MTCH2: variants seen among roughly 807,000 people sequenced by gnomAD.
MTCH2 encodes mitochondrial carrier 2.
Under a neutral mutation model 50.6 loss-of-function variants are expected in MTCH2, and 25 were observed. The ratio of observed to expected loss-of-function variants is 0.49; its 90% confidence interval spans 0.36 to 0.69. The LOEUF (loss-of-function observed/expected upper bound fraction) is 0.69, where lower values mean the gene tolerates loss of function less well. Among genes scored for constraint, MTCH2 ranks in the 30% least tolerant of loss-of-function variants. MTCH2 has a pLI of 0.00. For synonymous variants in MTCH2, 106 were observed against 132.0 expected (o/e 0.80, Z 1.35); for missense variants, 273 against 384.4 (o/e 0.71, Z 2.42).
chr11:47,626,384 G>C (rs1211932047), intron 10 of MTCH2, among the ~76,000 whole-genome samples: 1 of 149,510 alleles, frequency 6.7e-6, no homozygotes, highest in Admixed American at 6.7e-5. Context: ...CAGTTGCCCA[G>C]GCTGGTCTTG....
At chr11:47,615,502 C>T (rs887380799), downstream of MTCH2, among the ~76,000 whole-genome samples, 1 of 152,032 alleles carries the variant, frequency 6.6e-6, no homozygotes, top group Non-Finnish European at 1.5e-5. Context: ...TCTGACAGTA[C>T]AGAAACATGT....
At chr11:47,625,624 G>T in intron 11 of MTCH2, 50 bp downstream of exon 11, 2 of 1,120,502 alleles carry the variant, frequency 1.8e-6, no homozygotes, top group East Asian at 2.9e-5. Context: ...TGCTCCGCCT[G>T]TCAGCATACA....
chr11:47,612,302 T>C, the MTCH2 span, among the ~76,000 whole-genome samples: 1 of 151,560 alleles, frequency 6.6e-6, no homozygotes, highest in Non-Finnish European at 1.5e-5. Context: ...GCGCGGTGGC[T>C]CACGCCTGTA....
At chr11:47,617,151 G>T (rs2097288930), downstream of MTCH2, among the ~76,000 whole-genome samples, 1 of 152,156 alleles carries the variant, frequency 6.6e-6, no homozygotes, top group Non-Finnish European at 1.5e-5. Context: ...CTAGTATTTT[G>T]AGCAATCCTA....
chr11:47,636,053 A>G (rs1247476767), intron 3 of MTCH2, among the ~76,000 whole-genome samples: 1 of 151,738 alleles, frequency 6.6e-6, no homozygotes, highest in African/African-American at 2.4e-5. Flanking sequence ...ACTTGAACCC[A>G]GGAGGCAGAG....
chr11:47,615,197 CTGGCT>C (rs1298744292), downstream of MTCH2, among the ~76,000 whole-genome samples: 1 of 152,052 alleles, frequency 6.6e-6, no homozygotes, highest in African/African-American at 2.4e-5. Context: ...ACCACCAAGC[CTGGCT>C]AATTTTTAAA....
chr11:47,639,196 C>G (rs998117407), intron 1 of MTCH2, 145 bp from the exon 2 acceptor site: 1 of 688,232 alleles, frequency 1.5e-6, no homozygotes, highest in Middle Eastern at 3.1e-4. Flanking sequence ...AATGATGAAG[C>G]ATCATTCTTG....
chr11:47,639,054 T>A lies in MTCH2; in HGVS notation c.88-3A>T. The A allele has an allele frequency of 6.3e-7, 1 of 1,589,832 alleles. No individual in the cohort carries two copies. The highest frequency in any genetic ancestry group is 8.6e-7 in the Non-Finnish European group (1 of 1,168,978). On this transcript the variant is annotated splice_region_variant and splice_polypyrimidine_tract_variant and intron_variant, in intron 1 of 12. Transcript: ENST00000302503. ...GGAGGAAGAGGCTCATATCCCACCT[T>A]TAAAAACAATGGAATATATCAATAT...
chr11:47,605,458 TACTC>T, the MTCH2 span, among the ~76,000 whole-genome samples: 1 of 152,152 alleles, frequency 6.6e-6, no homozygotes, highest in Non-Finnish European at 1.5e-5. Flanking sequence ...TCTCTCCACT[TACTC>T]TTTTAAATTT....
chr11:47,618,600 A>G lies in MTCH2; in HGVS notation c.*233T>C, dbSNP rs888065947. 1 of 489,284 alleles carries G rather than the reference A, an allele frequency of 2.0e-6. No individual in the cohort carries two copies. The highest frequency in any genetic ancestry group is 4.0e-5 in the Admixed American group (1 of 24,780). The allele number at this position is 489,284 out of a possible 1,614,324, so 30.3% of individuals were successfully genotyped here. On this transcript the variant is annotated 3_prime_UTR_variant, in exon 13 of 13. Transcript: ENST00000302503. ...TTTTTTTCCCTTCTGGTTAAGTAAAATAAGAATTTGGAGCAAAAATATCCT... is the reference window on the plus strand; with the variant it reads ...TTTTTTTCCCTTCTGGTTAAGTAAAGTAAGAATTTGGAGCAAAAATATCCT...
At chr11:47,624,361 T>C (rs1016149543) in intron 11 of MTCH2, among the ~76,000 whole-genome samples, 1 of 151,972 alleles carries the variant, frequency 6.6e-6, no homozygotes, top group Non-Finnish European at 1.5e-5. Context: ...GAAAAGGTCA[T>C]CAAACTTTCC....
At chr11:47,628,718 G>A (rs1238780307) in intron 9 of MTCH2, among the ~76,000 whole-genome samples, 2 of 152,096 alleles carry the variant, frequency 1.3e-5, no homozygotes, top group Middle Eastern at 3.2e-3. Flanking sequence ...GGGACTATAG[G>A]CACGCACCAC....
rs1598860977 is a variant in MTCH2, at chr11:47,642,525, G to A, written c.-60C>T. 1.3e-6 allele frequency: 2 copies of A among 1,482,236 alleles called. No individual in the cohort carries two copies. The highest frequency in any genetic ancestry group is 2.2e-5 in the Admixed American group (1 of 45,940). 91.8% of individuals were successfully genotyped at this position (1,482,236 alleles called of 1,614,324 possible). On this transcript the variant is annotated 5_prime_UTR_variant, in exon 1 of 13. Coordinates refer to ENST00000302503, the MANE Select transcript of MTCH2 (RefSeq NM_014342.4). ...AGCCACCAAGCGACCCGGTGAGCCG[G>A]TCCTAGGTCACGTGCCAGGGCCGCC...
downstream of MTCH2, among the ~76,000 whole-genome samples, chr11:47,615,220 G>C (rs2097287684): frequency 2.0e-5 from 3 of 151,854 alleles, no homozygotes; most frequent in Admixed American, 1.3e-4. Context: ...AAATTTTTGT[G>C]TTGAGAAAAG....
chr11:47,615,170 T>C (rs746941048), downstream of MTCH2, among the ~76,000 whole-genome samples: 5 of 150,796 alleles, frequency 3.3e-5, no homozygotes, highest in Non-Finnish European at 7.4e-5. Context: ...CCTGTGTAGC[T>C]GGCACTACAG....
At chr11:47,630,417 G>T (rs925896481) in intron 8 of MTCH2, 138 bp downstream of exon 8, 7 of 715,454 alleles carry the variant, frequency 9.8e-6, no homozygotes, top group African/African-American at 9.0e-5. Flanking sequence ...AAAAAATAAG[G>T]GGCCTAAATA....
chr11:47,616,106 G>A (rs191839690), downstream of MTCH2, among the ~76,000 whole-genome samples: 17 of 151,756 alleles, frequency 1.1e-4, no homozygotes, highest in East Asian at 3.1e-3. Flanking sequence ...TTACAGGCAT[G>A]TGCCACCACG....
At chr11:47,625,112 C>T (rs1428733572) in intron 11 of MTCH2, among the ~76,000 whole-genome samples, 2 of 150,438 alleles carry the variant, frequency 1.3e-5, no homozygotes, top group South Asian at 2.1e-4. Context: ...AAAACAAAAA[C>T]AAAAACTATA....
At chr11:47,620,007 G>A (rs1045916487) in intron 12 of MTCH2, among the ~76,000 whole-genome samples, 1 of 152,168 alleles carries the variant, frequency 6.6e-6, no homozygotes, top group African/African-American at 2.4e-5. Flanking sequence ...AACCTGGGAG[G>A]TGAAGGTTGC....
Sources: allele counts gnomAD v4.1 joint callset (sites outside exome capture counted in the v4.1 genomes callset), GRCh38; gene constraint gnomAD v4.1.1; transcripts MANE v1.5; gene names NCBI Gene and HGNC (gene_info 2026-07-23, HGNC 2026-07-21).